MYO7A: variants seen among roughly 807,000 people sequenced by gnomAD.
MYO7A encodes the protein unconventional myosin-VIIa.
MYO7A carries 210 observed loss-of-function variants against 263.8 expected under a neutral mutation model. That is an observed-to-expected ratio of 0.80 (90% CI 0.71 to 0.89). MYO7A has a LOEUF of 0.89. Ranked by LOEUF, MYO7A falls within the 40% of genes least tolerant of loss-of-function variation. The pLI is 0.00. For synonymous variants in MYO7A, 1,239 were observed against 1,197.3 expected (o/e 1.03, Z -0.72); for missense variants, 2,820 against 2,968.3 (o/e 0.95, Z 1.16).
chr11:77,201,533 G>A lies in MYO7A; in HGVS notation c.4938G>A (p.Ser1646=), dbSNP rs550479429. The part of the protein sequence containing the change: ...DHDTGEQVMN[S]GWANGINERT... ...ACACGGGCGAGCAGGTCATGAACTC[G>A]GGCTGGGCCAACGGCATCAATGAGA... Residue 1646 remains serine, a synonymous_variant, in exon 36 of 49, where the codon TCG becomes TCA. Transcript: ENST00000409709. The A allele has an allele frequency of 5.5e-5, 89 of 1,613,932 alleles. No homozygotes were observed. Among genetic ancestry groups the A allele is most frequent in the Admixed American group, 3.0e-4 (18 of 60,022 alleles).
At chr11:77,177,313 T>C (rs1954731166) in intron 18 of MYO7A, among the ~76,000 whole-genome samples, 1 of 152,166 alleles carries the variant, frequency 6.6e-6, no homozygotes, top group Non-Finnish European at 1.5e-5. Context: ...CCAGAGAGAT[T>C]AGGCACCTTC....
At position 77,138,365 on chromosome 11, in the gene MYO7A, G is replaced by A. The variant is rs1950999610; in HGVS notation, c.19-4344G>A. Among the ~76,000 whole-genome samples the A allele has an allele frequency of 2.6e-5, 4 of 151,948 alleles. No individual in the cohort carries two copies. The highest frequency in any genetic ancestry group is 2.6e-4 in the Admixed American group (4 of 15,272). ...GCGCGCATCCCGCAGCCCGGCAAGT[G>A]GGCGCTGGTGCGCAGCCTGAACCAG... is the stretch of plus-strand genomic sequence containing the variant. On this transcript the variant is annotated intron_variant, in intron 2 of 48. Transcript: ENST00000409709. The surrounding 1 kb of genome is among the most constrained non-coding windows in gnomAD (Gnocchi z 4.9).
intron 35 of MYO7A, among the ~76,000 whole-genome samples, chr11:77,200,454 T>A (rs144947212): frequency 6.6e-6 from 1 of 151,982 alleles, no homozygotes; most frequent in Non-Finnish European, 1.5e-5. Context: ...CTATATAGAG[T>A]GAGAACTCAC....
chr11:77,213,320 G>A (rs1957988420), intron 47 of MYO7A, among the ~76,000 whole-genome samples: 1 of 152,250 alleles, frequency 6.6e-6, no homozygotes, highest in Non-Finnish European at 1.5e-5. Context: ...TGCAGGTCAT[G>A]GGGCTGGCTG....
chr11:77,180,024 G>A (rs1284989821), intron 21 of MYO7A, 71 bp downstream of exon 21: 3 of 1,436,616 alleles, frequency 2.1e-6, no homozygotes, highest in African/African-American at 2.8e-5. Flanking sequence ...TCACCCTCAG[G>A]TGTTGGCCAG....
At chr11:77,197,072 G>A (rs1238007359) in intron 32 of MYO7A, among the ~76,000 whole-genome samples, 2 of 152,100 alleles carry the variant, frequency 1.3e-5, no homozygotes, top group African/African-American at 2.4e-5. Context: ...GGCTCCGCAC[G>A]CTGTGTCCCC....
At position 77,174,968 on chromosome 11, in the gene MYO7A, G is replaced by A. The variant is rs144443672; in HGVS notation, c.2094+54G>A. On this transcript the variant is annotated intron_variant, in intron 17 of 48. Coordinates refer to ENST00000409709, the MANE Select transcript of MYO7A (RefSeq NM_000260.4). The stretch of plus-strand genomic sequence containing the variant: ...AGGGGAGGGTCCCAGCTTTGGCTGG[G>A]CAAGGGTCCCAATTTTCTTATCAGG... 2.5e-6 allele frequency: 4 copies of A among 1,590,242 alleles called. No homozygotes were observed. The East Asian group carries it at 9.0e-5, about 36-fold the overall frequency.
intron 47 of MYO7A, 150 bp from the exon 48 acceptor site, chr11:77,213,710 T>G (rs1958003648): frequency 3.5e-6 from 4 of 1,127,882 alleles, no homozygotes; most frequent in African/African-American, 1.5e-5. Context: ...GGGAGGCACC[T>G]GCTTCCCACC....
At chr11:77,188,827 T>C (rs1300334339) in intron 27 of MYO7A, among the ~76,000 whole-genome samples, 4 of 152,150 alleles carry the variant, frequency 2.6e-5, no homozygotes, top group Non-Finnish European at 5.9e-5. Flanking sequence ...ATTACAGAAA[T>C]ATACCAGAGA....
chr11:77,212,481 G>A, intron 46 of MYO7A: 1 of 348,444 alleles, frequency 2.9e-6, no homozygotes, highest in Non-Finnish European at 5.6e-6. Context: ...TGCCTTGGAG[G>A]GTTTTGAACA....
intron 27 of MYO7A, among the ~76,000 whole-genome samples, chr11:77,185,922 A>AT (rs370558760): frequency 0.24 from 33,737 of 137,872 alleles, 4,969 homozygotes; most frequent in South Asian, 0.5. Flanking sequence ...CTTGTACATC[A>AT]TTTTTTTTTT....
At position 77,172,629 on chromosome 11, in the gene MYO7A, C is replaced by T. The variant is rs559981669; in HGVS notation, c.1798-119C>T. 293 of 1,319,060 alleles carry T rather than the reference C, an allele frequency of 2.2e-4. 1 individual carries two copies. In the South Asian group the frequency reaches 2.3e-3, roughly 10 times the overall value. 81.7% of individuals were successfully genotyped at this position (1,319,060 alleles called of 1,614,324 possible). ...CAGTTTGCAGGAAAACTTCAAATAC[C>T]GCCCTGTCCCTCAAACCCTGACCCC... On this transcript the variant is annotated intron_variant, in intron 15 of 48. Coordinates refer to ENST00000409709, the MANE Select transcript of MYO7A (RefSeq NM_000260.4).
At chr11:77,191,942 C>T (rs551381953) in intron 30 of MYO7A, 109 bp from the exon 31 acceptor site, 117 of 955,964 alleles carry the variant, frequency 1.2e-4, no homozygotes, top group Admixed American at 1.1e-3. Context: ...CGTGTCCCTG[C>T]CCCTCGCTGG....
chr11:77,142,950 G>A lies in MYO7A; in HGVS notation c.132+128G>A, dbSNP rs529101950. 1,032 of 761,160 alleles carry A rather than the reference G, an allele frequency of 1.4e-3. 5 individuals carry two copies. The highest frequency in any genetic ancestry group is 2.9e-3 in the South Asian group (178 of 60,740). 47.2% of individuals were successfully genotyped at this position (761,160 alleles called of 1,614,324 possible). A position where few individuals can be genotyped will look rare whatever the true frequency, so the allele number is the denominator to read the frequency against. On this transcript the variant is annotated intron_variant, in intron 3 of 48. Transcript: ENST00000409709. ...CCCATGCCCCCACTTCTGCCTCTCA[G>A]ATGCCCCCTTCCATGAGCTTTCCCC...
chr11:77,168,729 T>C (rs1334714197), intron 15 of MYO7A, among the ~76,000 whole-genome samples: 3 of 151,886 alleles, frequency 2.0e-5, no homozygotes, highest in Non-Finnish European at 4.4e-5. Context: ...AGCCCAGGAG[T>C]TGGAGGCCGC....
intron 39 of MYO7A, among the ~76,000 whole-genome samples, 195 bp from the exon 40 acceptor site, chr11:77,205,267 A>C (rs142224688): frequency 2.5e-4 from 38 of 152,190 alleles, no homozygotes; most frequent in Non-Finnish European, 4.3e-4. Flanking sequence ...TTTGGGTAGC[A>C]CTAGTTGCAT....
intron 4 of MYO7A, among the ~76,000 whole-genome samples, chr11:77,153,601 G>A (rs1216911923): frequency 6.6e-6 from 1 of 152,180 alleles, no homozygotes; most frequent in Non-Finnish European, 1.5e-5. Flanking sequence ...TGCTCCCAGG[G>A]CCTCCCTCCA....
chr11:77,207,756 T>G (rs1042961791), intron 42 of MYO7A, among the ~76,000 whole-genome samples: 1 of 152,228 alleles, frequency 6.6e-6, no homozygotes, highest in Admixed American at 6.5e-5. Context: ...GAATGTGTGA[T>G]CATCCCCACT....
intron 14 of MYO7A, among the ~76,000 whole-genome samples, chr11:77,165,415 C>T (rs189353384): frequency 4.5e-4 from 68 of 152,328 alleles, no homozygotes; most frequent in African/African-American, 1.6e-3. Flanking sequence ...GGGGAATCTC[C>T]CTAGGCTCCT....
Sources: gnomAD v4.1 joint callset for allele counts (sites outside exome capture counted in the v4.1 genomes callset) on GRCh38, gnomAD v4.1.1 for gene constraint, Gnocchi (gnomAD v3.1) non-coding constraint, MANE v1.5 for transcripts, NCBI Gene and HGNC (gene_info 2026-07-23, HGNC 2026-07-21) for gene names.